PRPF3: variants seen among roughly 807,000 people sequenced by gnomAD.
The protein encoded by PRPF3 is pre-mRNA processing factor 3.
In PRPF3, 3 loss-of-function variants were observed where a neutral mutation model predicts 89.2. The ratio of observed to expected loss-of-function variants is 0.03; its 90% CI spans 0.02 to 0.09. The LOEUF is 0.09. Ranked by LOEUF, PRPF3 falls within the 10% of genes least tolerant of loss-of-function variation. The pLI is 1.00. For missense variants in PRPF3, 463 were observed against 828.8 expected (o/e 0.56, Z 5.42); for synonymous variants, 270 against 289.1 (o/e 0.93, Z 0.67).
chr1:150,340,564 C>A, intron 9 of PRPF3, 87 bp downstream of exon 9: 1 of 1,015,746 alleles, frequency 9.8e-7, no homozygotes, highest in Non-Finnish European at 1.6e-6. Context: ...TGTATCTATG[C>A]TGTTCAATAC....
chr1:150,330,752 T>C (rs1324223940), intron 4 of PRPF3, among the ~76,000 whole-genome samples: 1 of 149,556 alleles, frequency 6.7e-6, no homozygotes, highest in African/African-American at 2.5e-5. Context: ...AGTCTCACTC[T>C]GTCGCCCAGA....
chr1:150,343,740 C>T (rs1373328748), intron 10 of PRPF3, among the ~76,000 whole-genome samples: 1 of 152,116 alleles, frequency 6.6e-6, no homozygotes, highest in Non-Finnish European at 1.5e-5. Context: ...GCAGTATTTG[C>T]GTAGACTTTT....
intron 3 of PRPF3, chr1:150,327,488 A>G (rs781999000): frequency 3.2e-4 from 249 of 784,184 alleles, no homozygotes; most frequent in Non-Finnish European, 3.5e-4. Flanking sequence ...TACGGGTCCC[A>G]TTTTTGGTCC....
chr1:150,352,594 G>A (rs974215380), intron 15 of PRPF3, among the ~76,000 whole-genome samples: 1 of 152,178 alleles, frequency 6.6e-6, no homozygotes, highest in Non-Finnish European at 1.5e-5. Context: ...GAACCCGGGA[G>A]GCGGAGCTTG....
intron 1 of PRPF3, among the ~76,000 whole-genome samples, chr1:150,322,572 T>C (rs1416916954): frequency 6.6e-6 from 1 of 152,224 alleles, no homozygotes; most frequent in Non-Finnish European, 1.5e-5. Context: ...AGAACCACCA[T>C]AGAATTACTC....
chr1:150,327,282 G>A (rs1468092560), intron 3 of PRPF3, among the ~76,000 whole-genome samples: 1 of 151,902 alleles, frequency 6.6e-6, no homozygotes, highest in Non-Finnish European at 1.5e-5. Context: ...TGATCAGGTT[G>A]GTCTCGAACT....
rs1553872204 is a variant in PRPF3 at position 150,344,176 on chromosome 1, T to C, written c.1441T>C (p.Leu481=). The part of the protein sequence containing the change: ...PPEPKVRISN[L]MRVLGTEAVQ... ...CTTCACTGCAGTGAGAATTTCTAATTTGATGCGAGTATTAGGAACAGAAGC... is the reference window on the plus strand; with the variant it reads ...CTTCACTGCAGTGAGAATTTCTAATCTGATGCGAGTATTAGGAACAGAAGC... The change falls in exon 11 of 16, where the codon TTG becomes CTG. Residue 481 remains leucine, a synonymous_variant. Coordinates refer to ENST00000324862, the MANE Select transcript of PRPF3 (RefSeq NM_004698.4). 1 of 1,613,684 alleles carries C rather than the reference T, an allele frequency of 6.2e-7. No homozygotes were observed. The highest frequency in any genetic ancestry group is 2.2e-5 in the East Asian group (1 of 44,898).
chr1:150,336,811 A>G (rs1657054584), intron 7 of PRPF3, among the ~76,000 whole-genome samples: 1 of 151,590 alleles, frequency 6.6e-6, no homozygotes, highest in African/African-American at 2.4e-5. Flanking sequence ...AGCAGATTTT[A>G]CTTCCTAATT....
At chr1:150,326,772 A>G (rs1451689774) in intron 3 of PRPF3, among the ~76,000 whole-genome samples, 7 of 152,086 alleles carry the variant, frequency 4.6e-5, no homozygotes, top group Non-Finnish European at 8.8e-5. Flanking sequence ...CCTTAAAACA[A>G]TTTGTAATTT....
Position 150,332,779 on chromosome 1 carries a change from A to G in PRPF3, c.507+12A>G. 6.2e-7 allele frequency: 1 copy of G among 1,613,114 alleles called. No homozygotes were observed. The highest frequency in any genetic ancestry group is 1.7e-5 in the Admixed American group (1 of 59,900). ...CCCCTACACCTCAGGTATTGTGTCTAGATTACTCTGAACAGAATAATCTTT... is the reference window on the plus strand; with the variant it reads ...CCCCTACACCTCAGGTATTGTGTCTGGATTACTCTGAACAGAATAATCTTT... On this transcript the variant is annotated intron_variant, in intron 5 of 15. Coordinates refer to ENST00000324862, the MANE Select transcript of PRPF3 (RefSeq NM_004698.4).
rs587681276 is a variant in PRPF3, at chr1:150,335,631, A to G, written c.1035+390A>G. On this transcript the variant is annotated intron_variant, in intron 7 of 15. Coordinates refer to ENST00000324862, the MANE Select transcript of PRPF3 (RefSeq NM_004698.4). ...CAGGCATGTGCCACCACGCCTGGCT[A>G]ATTTTGTATTTTTGGTGGAGACGGG... Among the ~76,000 whole-genome samples, 6 of 151,516 alleles carry G rather than the reference A, an allele frequency of 4.0e-5. No individual in the cohort carries two copies. The East Asian group carries it at 9.7e-4, about 24-fold the overall frequency.
intron 15 of PRPF3, among the ~76,000 whole-genome samples, chr1:150,349,917 G>A (rs1436872402): frequency 2.6e-5 from 4 of 151,634 alleles, no homozygotes; most frequent in African/African-American, 7.2e-5. Flanking sequence ...ATGGAGTTTC[G>A]CTCTTGTTGC....
intron 14 of PRPF3, among the ~76,000 whole-genome samples, chr1:150,347,257 TACACAC>T (rs1225398348): frequency 1.3e-5 from 2 of 151,256 alleles, no homozygotes; most frequent in African/African-American, 4.9e-5. Flanking sequence ...TATATATATA[TACACAC>T]ATACACATAC....
intron 2 of PRPF3, 65 bp from the exon 3 acceptor site, chr1:150,325,686 T>C: frequency 1.3e-6 from 2 of 1,580,306 alleles, no homozygotes; most frequent in Non-Finnish European, 1.7e-6. Flanking sequence ...GTACCTGTTA[T>C]AGGCCTAGTA....
At chr1:150,339,400 C>T (rs1657422445) in intron 8 of PRPF3, among the ~76,000 whole-genome samples, 3 of 150,748 alleles carry the variant, frequency 2.0e-5, no homozygotes, top group Admixed American at 6.6e-5. Flanking sequence ...ATATAAGACA[C>T]ATTTGAAGAG....
At chr1:150,351,368 T>TA (rs142666943) in intron 15 of PRPF3, among the ~76,000 whole-genome samples, 2 of 151,094 alleles carry the variant, frequency 1.3e-5, no homozygotes, top group African/African-American at 2.4e-5. Flanking sequence ...AAATAAAAAT[T>TA]AAAAAAAAAG....
At chr1:150,339,210 TAAAA>T (rs782456463) in intron 8 of PRPF3, among the ~76,000 whole-genome samples, 2 of 136,326 alleles carry the variant, frequency 1.5e-5, no homozygotes, top group Non-Finnish European at 3.2e-5. Context: ...CTACAAAGAT[TAAAA>T]AAAAAAAAAA....
chr1:150,352,435 G>A (rs955559559), intron 15 of PRPF3, among the ~76,000 whole-genome samples: 3 of 152,236 alleles, frequency 2.0e-5, no homozygotes, highest in African/African-American at 7.2e-5. Flanking sequence ...GGAGGCTGAG[G>A]CGGGAGGATC....
At chr1:150,333,613 C>A (rs1199874450) in intron 6 of PRPF3, among the ~76,000 whole-genome samples, 1 of 152,100 alleles carries the variant, frequency 6.6e-6, no homozygotes, top group African/African-American at 2.4e-5. Flanking sequence ...GAACCTAGAT[C>A]ATTTCTCACA....
Sources: allele counts gnomAD v4.1 joint callset (sites outside exome capture counted in the v4.1 genomes callset), GRCh38; gene constraint gnomAD v4.1.1; transcripts MANE v1.5; gene names NCBI Gene and HGNC (gene_info 2026-07-23, HGNC 2026-07-21).